Variants in GHR observed in about 807,000 individuals in gnomAD.
GHR encodes growth hormone receptor.
In GHR, 35 loss-of-function variants were observed where a neutral mutation model predicts 67.1. The observed-to-expected ratio is 0.52, with a 90% confidence interval of 0.40 to 0.69. The LOEUF (loss-of-function observed/expected upper bound fraction) is 0.69, where lower values mean the gene tolerates loss of function less well. Ranked by LOEUF, GHR falls within the 30% of genes least tolerant of loss-of-function variation. The pLI, the probability that GHR is intolerant of heterozygous loss-of-function variation, is 0.00. For missense variants in GHR, 792 were observed against 764.6 expected, an observed-to-expected ratio of 1.04 and a Z score of -0.42; for synonymous variants, 272 against 269.1, an observed-to-expected ratio of 1.01 and a Z score of -0.10.
intron 1 of GHR, among the ~76,000 whole-genome samples, chr5:42,482,725 T>C (rs937132874): frequency 6.6e-6 from 1 of 152,196 alleles, no homozygotes; most frequent in African/African-American, 2.4e-5. Flanking sequence ...TTTAAGCCCA[T>C]TGGGAAAGTG....
At chr5:42,661,339 C>A (rs938146688) in intron 3 of GHR, among the ~76,000 whole-genome samples, 15 of 152,142 alleles carry the variant, frequency 9.9e-5, no homozygotes, top group Non-Finnish European at 1.8e-4. Flanking sequence ...AAAAAATGTT[C>A]AGGGCAGCCA....
intron 1 of GHR, among the ~76,000 whole-genome samples, chr5:42,565,200 A>G (rs1749856541): frequency 6.6e-6 from 1 of 152,178 alleles, no homozygotes; most frequent in Non-Finnish European, 1.5e-5. Flanking sequence ...AGGTGTTCAC[A>G]TTCCTGGGTC....
At position 42,647,100 on chromosome 5, in the gene GHR, T is replaced by G. The variant is rs571234930; in HGVS notation, c.136+17997T>G. On this transcript the variant is annotated intron_variant, in intron 3 of 9. Coordinates refer to ENST00000230882, the MANE Select transcript of GHR (RefSeq NM_000163.5). ...ATATCCTTAGCTTTGACTATAATTA[T>G]AGTATGTGGGTGATGCCGCTGAGAA... is the stretch of plus-strand genomic sequence containing the variant. Among the ~76,000 whole-genome samples, 37 of 152,272 alleles carry G rather than the reference T, an allele frequency of 2.4e-4. 5 individuals carry two copies. The highest frequency in any genetic ancestry group is 8.4e-4 in the African/African-American group (35 of 41,526).
At chr5:42,548,023 G>T (rs934774708) in intron 1 of GHR, 3 of 901,686 alleles carry the variant, frequency 3.3e-6, no homozygotes, top group Admixed American at 6.2e-5. Context: ...CAGAGCCTTT[G>T]CTGAGTTCTA....
intron 1 of GHR, among the ~76,000 whole-genome samples, chr5:42,547,406 A>G (rs1182923697): frequency 1.3e-5 from 2 of 152,174 alleles, no homozygotes; most frequent in African/African-American, 4.8e-5. Context: ...AATGATGGGA[A>G]TGGTCATGAT....
chr5:42,517,269 T>A (rs899658875), intron 1 of GHR, among the ~76,000 whole-genome samples: 1 of 152,108 alleles, frequency 6.6e-6, no homozygotes, highest in Non-Finnish European at 1.5e-5. Flanking sequence ...TGGATGGAGG[T>A]TTCCTTTTTA....
chr5:42,558,578 T>C (rs1749435279), intron 1 of GHR, among the ~76,000 whole-genome samples: 1 of 152,212 alleles, frequency 6.6e-6, no homozygotes, highest in African/African-American at 2.4e-5. Flanking sequence ...TTTTCTATGT[T>C]TAGATATGTC....
At chr5:42,551,913 C>T (rs1383474678) in intron 1 of GHR, among the ~76,000 whole-genome samples, 2 of 152,186 alleles carry the variant, frequency 1.3e-5, no homozygotes, top group Admixed American at 1.3e-4. Flanking sequence ...AAATGTTATT[C>T]ATATAGCTTT....
chr5:42,621,355 A>T (rs191389394), intron 2 of GHR, among the ~76,000 whole-genome samples: 1 of 152,244 alleles, frequency 6.6e-6, no homozygotes, highest in African/African-American at 2.4e-5. Context: ...TGGCCTTATT[A>T]TGCTAGGGAC....
intron 3 of GHR, among the ~76,000 whole-genome samples, chr5:42,654,641 G>T (rs541448664): frequency 3.9e-5 from 6 of 152,204 alleles, no homozygotes; most frequent in South Asian, 2.1e-4. Context: ...GACCCAAAAA[G>T]ATATAAATCA....
At chr5:42,495,956 T>C (rs33939197) in intron 1 of GHR, among the ~76,000 whole-genome samples, 27,474 of 152,142 alleles carry the variant, frequency 0.18, 2,810 homozygotes, top group Non-Finnish European at 0.22. Context: ...TGTCCACTAA[T>C]TCTGTCAAGT....
chr5:42,600,274 A>T (rs1424282579), intron 2 of GHR, among the ~76,000 whole-genome samples: 1 of 152,222 alleles, frequency 6.6e-6, no homozygotes, highest in Non-Finnish European at 1.5e-5. Flanking sequence ...TTATTAGGGG[A>T]TGCCACTAGG....
chr5:42,628,969 G>C, intron 2 of GHR, 69 bp from the exon 3 acceptor site: 1 of 924,726 alleles, frequency 1.1e-6, no homozygotes, highest in Non-Finnish European at 1.7e-6. Context: ...TTTGTTTTTA[G>C]TTTACACAGG....
At chr5:42,633,487 A>G (rs137997779) in intron 3 of GHR, among the ~76,000 whole-genome samples, 32 of 152,352 alleles carry the variant, frequency 2.1e-4, no homozygotes, top group Admixed American at 4.6e-4. Flanking sequence ...CAAAAATTTA[A>G]TATAGTAAAC....
At chr5:42,518,645 G>A (rs189217956) in intron 1 of GHR, among the ~76,000 whole-genome samples, 36 of 152,184 alleles carry the variant, frequency 2.4e-4, no homozygotes, top group Non-Finnish European at 4.4e-4. Context: ...CTCTCTCTCT[G>A]CCTCAGTATG....
intron 1 of GHR, among the ~76,000 whole-genome samples, chr5:42,553,205 A>G (rs1232161850): frequency 6.6e-6 from 1 of 152,320 alleles, no homozygotes; most frequent in East Asian, 1.9e-4. Flanking sequence ...TGGGCACACC[A>G]TGGCCCAACT....
intron 1 of GHR, among the ~76,000 whole-genome samples, chr5:42,454,579 G>T (rs1430062904): frequency 5.3e-5 from 8 of 152,146 alleles, no homozygotes. Context: ...GGCTGATGGG[G>T]TTATGTTCCA....
chr5:42,432,354 G>T (rs1377808955), intron 1 of GHR, among the ~76,000 whole-genome samples: 1 of 152,140 alleles, frequency 6.6e-6, no homozygotes, highest in Non-Finnish European at 1.5e-5. Flanking sequence ...TGTGCTTATT[G>T]AGAGAAAAGG....
chr5:42,564,154 C>T (rs1451691273), intron 1 of GHR, among the ~76,000 whole-genome samples: 4 of 146,224 alleles, frequency 2.7e-5, no homozygotes, highest in Non-Finnish European at 6.0e-5. Context: ...TGAAATCTCA[C>T]AAAGTGTGAG....
Sources: allele counts gnomAD v4.1 joint callset (sites outside exome capture counted in the v4.1 genomes callset), GRCh38; gene constraint gnomAD v4.1.1; transcripts MANE v1.5; gene names NCBI Gene and HGNC (gene_info 2026-07-23, HGNC 2026-07-21).